Variants in ZNF438 observed in about 807,000 individuals in gnomAD.
The protein encoded by ZNF438 is zinc finger protein 438.
In ZNF438, 25 loss-of-function variants were observed where a neutral mutation model predicts 38.0. The observed-to-expected ratio is 0.66, with a 90% CI of 0.48 to 0.92. The LOEUF (loss-of-function observed/expected upper bound fraction) is 0.92. Ranked by LOEUF, ZNF438 falls within the 40% of genes least tolerant of loss-of-function variation. The probability of loss-of-function intolerance (pLI) is 0.00; values close to 1 mark genes in which losing one functional copy is unlikely to be tolerated. For synonymous variants in ZNF438, 372 were observed against 364.1 expected (o/e 1.02, Z -0.25); for missense variants, 1,007 against 999.6 (o/e 1.01, Z -0.10).
At chr10:30,989,573 T>G (rs80143307) in intron 1 of ZNF438, among the ~76,000 whole-genome samples, 2 of 152,178 alleles carry the variant, frequency 1.3e-5, no homozygotes, top group African/African-American at 4.8e-5. Context: ...GAAGATGCTC[T>G]AAATGGTTGC....
intron 4 of ZNF438, chr10:30,875,451 GA>G: frequency 3.1e-6 from 3 of 980,716 alleles, no homozygotes; most frequent in Non-Finnish European, 3.6e-6. Flanking sequence ...GTATGGAATG[GA>G]GTCCAGCTTT....
chr10:30,879,662 T>C (rs1414763206), intron 3 of ZNF438, among the ~76,000 whole-genome samples: 2 of 152,056 alleles, frequency 1.3e-5, no homozygotes, highest in Admixed American at 6.5e-5. Context: ...ATAAAAACTA[T>C]AATGTATAAG....
chr10:30,956,430 T>G (rs998644533), intron 1 of ZNF438, among the ~76,000 whole-genome samples: 7 of 152,208 alleles, frequency 4.6e-5, no homozygotes, highest in South Asian at 2.1e-4. Context: ...ATGAGAACAT[T>G]CAAAGCTTCT....
intron 1 of ZNF438, among the ~76,000 whole-genome samples, chr10:31,013,214 G>C (rs1203455637): frequency 6.6e-6 from 1 of 152,116 alleles, no homozygotes; most frequent in Non-Finnish European, 1.5e-5. Flanking sequence ...AGCTACTCGG[G>C]AGGCTGAGGC....
chr10:31,010,054 G>A (rs566354904), intron 1 of ZNF438, among the ~76,000 whole-genome samples: 103 of 151,944 alleles, frequency 6.8e-4, no homozygotes, highest in Non-Finnish European at 5.7e-4. Flanking sequence ...TCACCATATC[G>A]GCCAGGCTGG....
intron 4 of ZNF438, among the ~76,000 whole-genome samples, chr10:30,852,003 CA>C (rs371402396): frequency 0.076 from 11,260 of 147,370 alleles, 529 homozygotes; most frequent in Non-Finnish European, 0.11. Context: ...ACTAAAAATA[CA>C]AAAAAAAAAT....
At chr10:30,902,217 G>T (rs1474350154) in intron 3 of ZNF438, among the ~76,000 whole-genome samples, 1 of 152,140 alleles carries the variant, frequency 6.6e-6, no homozygotes, top group South Asian at 2.1e-4. Context: ...CCATTTTACA[G>T]AGAGCTGATT....
intron 3 of ZNF438, among the ~76,000 whole-genome samples, chr10:30,879,944 C>T (rs2994611): frequency 0.13 from 20,058 of 151,954 alleles, 1,649 homozygotes; most frequent in Middle Eastern, 0.25. Flanking sequence ...TTTGATGAAG[C>T]TGTGAACACA....
intron 4 of ZNF438, 32 bp from the exon 6 acceptor site, chr10:30,850,399 G>A: frequency 1.3e-6 from 2 of 1,575,690 alleles, no homozygotes; most frequent in Non-Finnish European, 1.7e-6. Flanking sequence ...AAGAGTTACT[G>A]TATGTAACTG....
At position 30,998,369 on chromosome 10, in the gene ZNF438, T is replaced by C. The variant is rs369633093; in HGVS notation, c.-192+33464A>G. Among the ~76,000 whole-genome samples the C allele has an allele frequency of 2.6e-4, 39 of 150,000 alleles. 1 individual carries two copies. Among genetic ancestry groups the C allele is most frequent in the East Asian group, 1.8e-3 (9 of 5,128 alleles). ...TCCTGGCTAACACAGTGAAACCCCG[T>C]CTCTACTAAGAAAAATACAAAAAAT... On this transcript the variant is annotated intron_variant, in intron 1 of 5. Transcript: ENST00000413025.
intron 1 of ZNF438, among the ~76,000 whole-genome samples, chr10:30,950,515 G>A (rs1438331884): frequency 2.6e-5 from 4 of 151,096 alleles, no homozygotes; most frequent in African/African-American, 4.9e-5. Context: ...GACTAATAAA[G>A]AAAAAAAGAG....
intron 2 of ZNF438, among the ~76,000 whole-genome samples, chr10:30,938,284 T>TC (rs1445515839): frequency 6.6e-6 from 1 of 151,196 alleles, no homozygotes; most frequent in Non-Finnish European, 1.5e-5. Flanking sequence ...TATAGCTCTT[T>TC]TTTTTTTTTT....
intron 1 of ZNF438, among the ~76,000 whole-genome samples, chr10:30,973,625 C>T (rs556196055): frequency 4.6e-5 from 7 of 152,180 alleles, no homozygotes; most frequent in African/African-American, 1.2e-4. Flanking sequence ...CTCCCACCCC[C>T]GGAAGCTCTT....
rs189527692 is a variant in ZNF438 at position 30,977,728 on chromosome 10, T to A, written c.-191-36077A>T. On this transcript the variant is annotated intron_variant, in intron 1 of 5. Transcript: ENST00000413025. ...GGCCCGGCACGGTGGCTCACGTCTG[T>A]AATACCAACACTTTGGGAGGCCGAG... 1.3e-4 allele frequency among the ~76,000 whole-genome samples: 20 copies of A among 152,234 alleles called. No homozygotes were observed. The East Asian group carries it at 3.9e-3, about 29-fold the overall frequency.
chr10:31,024,602 T>C (rs988453979), intron 1 of ZNF438, among the ~76,000 whole-genome samples: 1 of 151,868 alleles, frequency 6.6e-6, no homozygotes, highest in Non-Finnish European at 1.5e-5. Flanking sequence ...CGCTCCAGCC[T>C]GAGCGACAGA....
Position 30,951,311 on chromosome 10 carries a change from T to C in ZNF438, c.-191-9660A>G, listed in dbSNP as rs1426282022. On this transcript the variant is annotated intron_variant, in intron 1 of 5. Transcript: ENST00000413025. ...AATATCATACTGAATGGGCAAAAAC[T>C]GGAAGCATTCCCTTTGAAAACTGGC... Among the ~76,000 whole-genome samples, 130 of 149,110 alleles carry C rather than the reference T, an allele frequency of 8.7e-4. 1 individual carries two copies. Among genetic ancestry groups the C allele is most frequent in the Middle Eastern group, 6.8e-3 (2 of 292 alleles).
At chr10:31,024,793 A>C (rs1265594677) in intron 1 of ZNF438, among the ~76,000 whole-genome samples, 1 of 152,238 alleles carries the variant, frequency 6.6e-6, no homozygotes. Flanking sequence ...ACAATCAAAA[A>C]TGAAAATTAA....
At chr10:30,892,857 T>C (rs191180811) in intron 3 of ZNF438, among the ~76,000 whole-genome samples, 39 of 152,360 alleles carry the variant, frequency 2.6e-4, no homozygotes, top group East Asian at 7.7e-4. Context: ...TCAGCACTTA[T>C]AAAGCATCTT....
At chr10:31,006,391 G>A (rs2055130342) in intron 1 of ZNF438, among the ~76,000 whole-genome samples, 1 of 152,198 alleles carries the variant, frequency 6.6e-6, no homozygotes, top group Non-Finnish European at 1.5e-5. Flanking sequence ...AGGGTTTGGA[G>A]AGCTTTCAAA....
Sources: allele counts gnomAD v4.1 joint callset (sites outside exome capture counted in the v4.1 genomes callset), GRCh38; gene constraint gnomAD v4.1.1; transcripts MANE v1.5; gene names NCBI Gene and HGNC (gene_info 2026-07-23, HGNC 2026-07-21).